PALD1: variants seen among roughly 807,000 people sequenced by gnomAD.
PALD1 encodes phosphatase domain containing paladin 1.
PALD1 carries 57 observed loss-of-function variants against 96.0 expected under a neutral mutation model. The observed-to-expected ratio is 0.59, with a 90% CI of 0.48 to 0.74. The LOEUF (loss-of-function observed/expected upper bound fraction) is 0.74, where lower values mean the gene tolerates loss of function less well. Ranked by LOEUF, PALD1 falls within the 30% of genes least tolerant of loss-of-function variation. The probability of loss-of-function intolerance (pLI) is 0.00; values close to 1 mark genes in which losing one functional copy is unlikely to be tolerated. For missense variants in PALD1, 1,063 were observed against 1,143.7 expected (o/e 0.93, Z 1.02); for synonymous variants, 464 against 473.6 (o/e 0.98, Z 0.26).
rs75987122 is a variant in PALD1, at chr10:70,567,825, T to C, written c.*1092T>C. The C allele has an allele frequency of 1.0e-4, 16 of 152,408 alleles. No individual in the cohort carries two copies. Among genetic ancestry groups the C allele is most frequent in the African/African-American group, 3.8e-4 (16 of 41,570 alleles). 9.4% of individuals were successfully genotyped at this position (152,408 alleles called of 1,614,324 possible). On this transcript the variant is annotated 3_prime_UTR_variant, in exon 20 of 20. Coordinates refer to ENST00000263563, the MANE Select transcript of PALD1 (RefSeq NM_014431.3). Reference sequence around the variant, plus strand: ...TGTTTCCACACAGCGGGAAGGCTGCTGGGAACAGGTGGCAGAGAAGTGCCA... The same window carrying C: ...TGTTTCCACACAGCGGGAAGGCTGCCGGGAACAGGTGGCAGAGAAGTGCCA...
At chr10:70,515,542 G>A (rs1272436350) in intron 1 of PALD1, among the ~76,000 whole-genome samples, 1 of 152,250 alleles carries the variant, frequency 6.6e-6, no homozygotes, top group Non-Finnish European at 1.5e-5. Context: ...TGGTCCTGAA[G>A]GTTCACGTCT....
Position 70,541,258 on chromosome 10 carries a change from CAAGT to C in PALD1, c.2049+17_2049+20del. The C allele has an allele frequency of 3.1e-6, 5 of 1,594,716 alleles. No individual in the cohort carries two copies. The highest frequency in any genetic ancestry group is 1.7e-4 in the Middle Eastern group (1 of 5,950). On this transcript the variant is annotated intron_variant, in intron 16 of 19. Coordinates refer to ENST00000263563, the MANE Select transcript of PALD1 (RefSeq NM_014431.3). The stretch of plus-strand genomic sequence containing the variant: ...GCACATCCAAGTACGTGTGGCCTCT[CAAGT>C]GAGATTAGAGATTTGCCTGGAGGAG...
At chr10:70,535,308 G>A (rs1403692344) in intron 10 of PALD1, among the ~76,000 whole-genome samples, 4 of 152,218 alleles carry the variant, frequency 2.6e-5, no homozygotes, top group Admixed American at 6.5e-5. Flanking sequence ...ATCATACAGC[G>A]CATGGAAAGA....
intron 1 of PALD1, among the ~76,000 whole-genome samples, chr10:70,500,019 G>C (rs1846264402): frequency 6.6e-6 from 1 of 152,192 alleles, no homozygotes; most frequent in Non-Finnish European, 1.5e-5. Context: ...TCAGAGGTGG[G>C]TGTGGGCATG....
chr10:70,482,040 G>A (rs1368900947), intron 1 of PALD1, among the ~76,000 whole-genome samples: 1 of 152,220 alleles, frequency 6.6e-6, no homozygotes, highest in Non-Finnish European at 1.5e-5. Context: ...CTCAGTTGAT[G>A]TGGCGGTGGG....
intron 11 of PALD1, among the ~76,000 whole-genome samples, 156 bp downstream of exon 11, chr10:70,538,062 C>T (rs895617280): frequency 4.6e-5 from 7 of 152,216 alleles, no homozygotes; most frequent in Non-Finnish European, 7.3e-5. Context: ...AGTCCCTGAG[C>T]AGCTGGGCAT....
intron 17 of PALD1, among the ~76,000 whole-genome samples, chr10:70,545,437 G>T (rs1847342620): frequency 2.0e-5 from 3 of 152,076 alleles, no homozygotes; most frequent in East Asian, 1.9e-4. Flanking sequence ...GGGGATGGGG[G>T]TCTGGATCAG....
chr10:70,533,847 G>A, intron 7 of PALD1, 75 bp from the exon 8 acceptor site: 1 of 1,373,444 alleles, frequency 7.3e-7, no homozygotes, highest in South Asian at 1.5e-5. Flanking sequence ...CTGATGTCAT[G>A]CTTTTCTCCC....
chr10:70,497,897 G>A (rs1194304743), intron 1 of PALD1, among the ~76,000 whole-genome samples: 1 of 152,108 alleles, frequency 6.6e-6, no homozygotes, highest in African/African-American at 2.4e-5. Flanking sequence ...TTTTAACGAG[G>A]CCTTAATTTT....
intron 4 of PALD1, among the ~76,000 whole-genome samples, chr10:70,530,337 AG>A (rs1332625124): frequency 1.3e-5 from 2 of 152,306 alleles, no homozygotes; most frequent in Admixed American, 6.5e-5. Flanking sequence ...CAGAGGAAGC[AG>A]GGGGCGTGAC....
chr10:70,476,137 G>A (rs534035938), upstream of PALD1, among the ~76,000 whole-genome samples: 36 of 152,320 alleles, frequency 2.4e-4, 1 homozygote, highest in South Asian at 7.5e-3. Flanking sequence ...TCCTTCCTGA[G>A]ATCCTGTTCT....
the PALD1 span, among the ~76,000 whole-genome samples, chr10:70,465,327 T>C: frequency 5.3e-5 from 8 of 152,170 alleles, no homozygotes; most frequent in African/African-American, 1.7e-4. Flanking sequence ...CCCCTGGTTC[T>C]CTTCCATTTT....
At chr10:70,526,180 TG>T in intron 2 of PALD1, 44 bp downstream of exon 2, 4 of 1,547,238 alleles carry the variant, frequency 2.6e-6, no homozygotes, top group Non-Finnish European at 3.6e-6. Flanking sequence ...GGAGACATGA[TG>T]GGCGGGGGGA....
chr10:70,521,983 A>G (rs1383289517), intron 1 of PALD1, among the ~76,000 whole-genome samples: 1 of 152,236 alleles, frequency 6.6e-6, no homozygotes, highest in Non-Finnish European at 1.5e-5. Flanking sequence ...TTGCGTTTAA[A>G]TAATAAACAG....
rs767490015 is a variant in PALD1 at position 70,534,467 on chromosome 10, C to T, written c.1065C>T (p.Phe355=). ...CCAAGCCCCTGCCTATGGAGCAGTT[C>T]CAGGTGATCCAGAGCTTTCTCCGCA... ...TQAKPLPMEQ[F]QVIQSFLRMV... The change falls in exon 9 of 20, where the codon TTC becomes TTT. Residue 355 remains phenylalanine, a synonymous_variant. Coordinates refer to ENST00000263563, the MANE Select transcript of PALD1 (RefSeq NM_014431.3). 5.0e-6 allele frequency: 8 copies of T among 1,612,942 alleles called. No individual in the cohort carries two copies. The highest frequency in any genetic ancestry group is 3.3e-5 in the South Asian group (3 of 90,610).
At chr10:70,543,282 T>G (rs1042333333) in intron 17 of PALD1, among the ~76,000 whole-genome samples, 7 of 152,190 alleles carry the variant, frequency 4.6e-5, no homozygotes, top group African/African-American at 1.4e-4. Flanking sequence ...TTCTGGAAAC[T>G]AATCACTTAT....
In PALD1 at chr10:70,501,834, T is replaced by TGTGTGTGTGTGTGCGC. The variant is rs774868338; in HGVS notation, c.-30+22776_-30+22777insTGTGTGTGTGTGCGCG. Among the ~76,000 whole-genome samples, 576 of 149,472 alleles carry TGTGTGTGTGTGTGCGC rather than the reference T, an allele frequency of 3.9e-3. 6 individuals are homozygous for TGTGTGTGTGTGTGCGC. The highest frequency in any genetic ancestry group is 0.029 in the East Asian group (146 of 5,106). ...TACTCTGTGTGTGTGTGTGTGTGTGTGCGTGCGTGCATGCATACCTGTGTT... is the reference window on the plus strand; with the variant it reads ...TACTCTGTGTGTGTGTGTGTGTGTGTGTGTGTGTGTGTGCGCGCGTGCGTGCATGCATACCTGTGTT... On this transcript the variant is annotated intron_variant, in intron 1 of 19. Transcript: ENST00000263563.
At chr10:70,538,431 G>A in intron 12 of PALD1, 23 bp downstream of exon 12, 1 of 1,607,018 alleles carries the variant, frequency 6.2e-7, no homozygotes, top group East Asian at 2.2e-5. Context: ...GGCAGTCGGA[G>A]AAGTGGGCAT....
the PALD1 span, among the ~76,000 whole-genome samples, chr10:70,459,516 G>A: frequency 9.9e-5 from 15 of 152,214 alleles, no homozygotes; most frequent in Admixed American, 8.5e-4. Context: ...TGGGGATGGG[G>A]GGGTTGCTGG....
Sources: allele counts gnomAD v4.1 joint callset (sites outside exome capture counted in the v4.1 genomes callset), GRCh38; gene constraint gnomAD v4.1.1; transcripts MANE v1.5; gene names NCBI Gene and HGNC (gene_info 2026-07-23, HGNC 2026-07-21).